The following NUBPL variants were observed in gnomAD, a reference collection of about 807,000 sequenced individuals.
NUBPL encodes NUBP iron-sulfur cluster assembly factor, mitochondrial.
NUBPL carries 31 observed loss-of-function variants against 45.7 expected under a neutral mutation model. The ratio of observed to expected loss-of-function variants is 0.68; its 90% confidence interval spans 0.51 to 0.92. The LOEUF is 0.92. Among genes scored for constraint, NUBPL ranks in the 40% least tolerant of loss-of-function variants. NUBPL has a pLI of 0.00. For missense variants in NUBPL, 401 were observed against 398.7 expected (o/e 1.01, Z -0.05); for synonymous variants, 144 against 140.9 (o/e 1.02, Z -0.15).
chr14:31,711,740 G>A (rs886638023), intron 6 of NUBPL, among the ~76,000 whole-genome samples: 2 of 151,958 alleles, frequency 1.3e-5, no homozygotes, highest in East Asian at 1.9e-4. Flanking sequence ...AGACCTTCGC[G>A]GTGAGTGTTA....
intron 4 of NUBPL, among the ~76,000 whole-genome samples, chr14:31,649,398 A>T (rs182362224): frequency 6.6e-6 from 1 of 152,192 alleles, no homozygotes; most frequent in East Asian, 1.9e-4. Context: ...TCACTGGTTT[A>T]TAATTGAAGA....
intron 7 of NUBPL, among the ~76,000 whole-genome samples, chr14:31,803,364 A>C (rs923338510): frequency 2.0e-5 from 3 of 152,202 alleles, no homozygotes; most frequent in Non-Finnish European, 4.4e-5. Context: ...ATCTAATGCC[A>C]GTGTTTTGGA....
chr14:31,767,707 G>GTT (rs57664366), intron 6 of NUBPL, among the ~76,000 whole-genome samples: 196 of 151,040 alleles, frequency 1.3e-3, no homozygotes, highest in Middle Eastern at 3.4e-3. Context: ...TTTGTTTTGT[G>GTT]TTTTTTTTTG....
intron 4 of NUBPL, among the ~76,000 whole-genome samples, chr14:31,644,312 C>T (rs997115526): frequency 2.0e-5 from 3 of 152,000 alleles, no homozygotes; most frequent in East Asian, 1.9e-4. Flanking sequence ...CATCTTCATA[C>T]TGTTTTTCCT....
At position 31,859,160 on chromosome 14, in the gene NUBPL, T is replaced by C; in HGVS notation, c.940T>C (p.Leu314=). The C allele has an allele frequency of 1.2e-6, 2 of 1,613,948 alleles. No homozygotes were observed. The highest frequency in any genetic ancestry group is 1.7e-6 in the Non-Finnish European group (2 of 1,179,874). Residue 314 remains leucine, a synonymous_variant, in exon 11 of 11, where the codon TTG becomes CTG. Transcript: ENST00000281081. ...GATTGCTGTGGAAGTGGTAAGAAGA[T>C]TGCCATCACCTTCAGAATGATTCCC... The part of the protein sequence containing the change: ...LRIAVEVVRR[L]PSPSE
rs143905645 is a variant in NUBPL, at chr14:31,749,077, G to A, written c.514-38703G>A. Reference sequence around the variant, plus strand: ...AGTTGGGATTTTTAAAAAGAAATCCGTTCAATCACTCTATATCTTTAATTT... The same window carrying A: ...AGTTGGGATTTTTAAAAAGAAATCCATTCAATCACTCTATATCTTTAATTT... On this transcript the variant is annotated intron_variant, in intron 6 of 10. Coordinates refer to ENST00000281081, the MANE Select transcript of NUBPL (RefSeq NM_025152.3). Among the ~76,000 whole-genome samples the A allele has an allele frequency of 3.0e-4, 46 of 152,214 alleles. No homozygotes were observed. The East Asian group carries it at 4.4e-3, about 15-fold the overall frequency.
At chr14:31,730,191 G>A (rs1224121622) in intron 6 of NUBPL, among the ~76,000 whole-genome samples, 3 of 152,122 alleles carry the variant, frequency 2.0e-5, no homozygotes, top group African/African-American at 7.2e-5. Context: ...GAACCCATAG[G>A]AATAAGCATA....
chr14:31,646,617 T>C (rs2035860629), intron 4 of NUBPL, among the ~76,000 whole-genome samples: 1 of 152,224 alleles, frequency 6.6e-6, no homozygotes, highest in South Asian at 2.1e-4. Flanking sequence ...TTATCTCTTT[T>C]CTCTTGCTGC....
intron 1 of NUBPL, 50 bp from the exon 2 acceptor site, chr14:31,562,018 A>T (rs756016290): frequency 6.5e-7 from 1 of 1,539,564 alleles, no homozygotes; most frequent in East Asian, 2.4e-5. Flanking sequence ...CAGTGTGATG[A>T]TGGAGATGGC....
intron 6 of NUBPL, among the ~76,000 whole-genome samples, chr14:31,691,155 GCCACC>G (rs2037085074): frequency 3.9e-5 from 6 of 152,136 alleles, no homozygotes; most frequent in African/African-American, 1.4e-4. Context: ...GTTTGTCACT[GCCACC>G]CCTAAGACAG....
chr14:31,723,719 T>C (rs1468315590), intron 6 of NUBPL, among the ~76,000 whole-genome samples: 2 of 152,158 alleles, frequency 1.3e-5, no homozygotes, highest in Non-Finnish European at 2.9e-5. Flanking sequence ...ATGAATGAGA[T>C]TGTGTTCCTG....
At chr14:31,769,170 A>G (rs972931094) in intron 6 of NUBPL, among the ~76,000 whole-genome samples, 1 of 152,206 alleles carries the variant, frequency 6.6e-6, no homozygotes, top group Admixed American at 6.5e-5. Context: ...GCAACATATT[A>G]TGTCAGTTTA....
chr14:31,821,887 C>A (rs180827609), intron 7 of NUBPL, among the ~76,000 whole-genome samples: 1 of 152,302 alleles, frequency 6.6e-6, no homozygotes, highest in African/African-American at 2.4e-5. Flanking sequence ...TTTGCAACAA[C>A]GTGGATGGAA....
At chr14:31,721,908 G>A (rs1167135454) in intron 6 of NUBPL, among the ~76,000 whole-genome samples, 4 of 152,106 alleles carry the variant, frequency 2.6e-5, no homozygotes, top group Non-Finnish European at 4.4e-5. Context: ...TAAGGATAAT[G>A]GCCTCTAGCT....
chr14:31,605,871 C>G (rs1042885296), intron 4 of NUBPL, among the ~76,000 whole-genome samples: 1 of 145,624 alleles, frequency 6.9e-6, no homozygotes, highest in Non-Finnish European at 1.5e-5. Context: ...CTTGTCTCCT[C>G]CCTTCTTCCT....
In NUBPL at chr14:31,679,805, T is replaced by A. The variant is rs1394887234; in HGVS notation, c.513+6231T>A. On this transcript the variant is annotated intron_variant, in intron 6 of 10. Transcript: ENST00000281081. ...AAGCATGTTGATACTTTTATTAGGA[T>A]GATATTCAATATATAGAACAATTTT... Among the ~76,000 whole-genome samples the A allele has an allele frequency of 2.6e-5, 4 of 152,162 alleles. No homozygotes were observed. The East Asian group carries it at 7.7e-4, about 29-fold the overall frequency.
intron 7 of NUBPL, among the ~76,000 whole-genome samples, chr14:31,811,251 A>G (rs1437327052): frequency 6.6e-6 from 1 of 152,200 alleles, no homozygotes; most frequent in Non-Finnish European, 1.5e-5. Flanking sequence ...ACTTTCTAGT[A>G]CACCAATTAC....
intron 3 of NUBPL, among the ~76,000 whole-genome samples, chr14:31,597,100 T>C (rs2034304027): frequency 6.6e-6 from 1 of 152,200 alleles, no homozygotes; most frequent in African/African-American, 2.4e-5. Flanking sequence ...TCTCTCTCTT[T>C]CCTCTCTTTC....
At chr14:31,578,401 C>T (rs1167822792) in intron 3 of NUBPL, among the ~76,000 whole-genome samples, 1 of 152,160 alleles carries the variant, frequency 6.6e-6, no homozygotes, top group Non-Finnish European at 1.5e-5. Flanking sequence ...AAATATTTCA[C>T]GTGACAGATT....
Sources: allele counts gnomAD v4.1 joint callset (sites outside exome capture counted in the v4.1 genomes callset), GRCh38; gene constraint gnomAD v4.1.1; transcripts MANE v1.5; gene names NCBI Gene and HGNC (gene_info 2026-07-23, HGNC 2026-07-21).